The following SGCD variants were observed in gnomAD, a reference collection of about 807,000 sequenced individuals.
SGCD encodes the protein sarcoglycan delta, also known as delta-sarcoglycan.
A neutral mutation model predicts 36.6 loss-of-function variants in SGCD; 18 were observed. The observed-to-expected ratio is 0.49, with a 90% CI of 0.34 to 0.73. The LOEUF (loss-of-function observed/expected upper bound fraction) is 0.73, where lower values mean the gene tolerates loss of function less well. SGCD is among the 30% of genes least tolerant of loss of function. The pLI is 0.01. For missense variants in SGCD, 387 were observed against 346.7 expected, an observed-to-expected ratio of 1.12 and a Z score of -0.92; for synonymous variants, 133 against 130.6, an observed-to-expected ratio of 1.02 and a Z score of -0.12.
intron 3 of SGCD, among the ~76,000 whole-genome samples, chr5:156,307,019 A>G (rs1398692190): frequency 6.9e-6 from 1 of 143,900 alleles, no homozygotes; most frequent in Non-Finnish European, 1.5e-5. Flanking sequence ...TTTGGTTGCT[A>G]TTTGCACAGA....
intron 4 of SGCD, among the ~76,000 whole-genome samples, chr5:156,522,929 T>C (rs75352978): frequency 0.23 from 35,693 of 152,084 alleles, 4,788 homozygotes; most frequent in Non-Finnish European, 0.31. Context: ...AAGCCAGTCA[T>C]CCTCAGCATG....
intron 3 of SGCD, among the ~76,000 whole-genome samples, chr5:156,435,588 A>G (rs1160186248): frequency 6.6e-6 from 1 of 152,198 alleles, no homozygotes; most frequent in Non-Finnish European, 1.5e-5. Context: ...AGGGGCTAAA[A>G]TTATTTTCTG....
At chr5:156,080,211 G>T (rs1760914510) in intron 1 of SGCD, among the ~76,000 whole-genome samples, 1 of 152,190 alleles carries the variant, frequency 6.6e-6, no homozygotes, top group African/African-American at 2.4e-5. Context: ...GCAGACATCA[G>T]CCTCCTGGGG....
chr5:156,339,975 T>C (rs577254197), intron 2 of SGCD, among the ~76,000 whole-genome samples: 97 of 152,316 alleles, frequency 6.4e-4, no homozygotes, highest in African/African-American at 2.2e-3. Context: ...GTATGGACAA[T>C]GGAAAGATAA....
At chr5:156,261,811 G>A (rs1382740016) in intron 3 of SGCD, among the ~76,000 whole-genome samples, 2 of 152,080 alleles carry the variant, frequency 1.3e-5, no homozygotes, top group Admixed American at 1.3e-4. Context: ...ACCCTGTGTA[G>A]CCCCTAGGCT....
At chr5:155,855,579 C>T in the SGCD span, among the ~76,000 whole-genome samples, 1 of 152,144 alleles carries the variant, frequency 6.6e-6, no homozygotes, top group South Asian at 2.1e-4. Flanking sequence ...TGAACCCATA[C>T]TAGAGTTCCA....
In SGCD at chr5:156,353,717, C is replaced by G. The variant is rs188783572; in HGVS notation, c.192+9040C>G. ...TTTGACTGTGTGGTCACTTTTAATC[C>G]ATTAGCTCAATCCATCCATCTGAAA... On this transcript the variant is annotated intron_variant, in intron 3 of 8. Coordinates refer to ENST00000337851, the MANE Select transcript of SGCD (RefSeq NM_000337.6). Among the ~76,000 whole-genome samples the G allele has an allele frequency of 5.9e-5, 9 of 152,236 alleles. No individual in the cohort carries two copies. The East Asian group carries it at 1.5e-3, about 26-fold the overall frequency.
chr5:156,578,723 T>C (rs1176014413), intron 4 of SGCD, among the ~76,000 whole-genome samples: 1 of 152,246 alleles, frequency 6.6e-6, no homozygotes, highest in Non-Finnish European at 1.5e-5. Context: ...TAGTATTCTC[T>C]GATGGTAGTT....
chr5:156,629,879 T>TA (rs1491457923), intron 6 of SGCD, among the ~76,000 whole-genome samples: 2 of 144,024 alleles, frequency 1.4e-5, no homozygotes, highest in East Asian at 3.9e-4. Context: ...TTTTTTTTTT[T>TA]AGATGGAGTT....
At chr5:156,294,483 T>G (rs1484803613) in intron 3 of SGCD, among the ~76,000 whole-genome samples, 1 of 152,168 alleles carries the variant, frequency 6.6e-6, no homozygotes, top group East Asian at 1.9e-4. Context: ...TTTCCTTTCC[T>G]TGCCTAATTG....
At chr5:156,231,467 C>T (rs760446907) in intron 3 of SGCD, among the ~76,000 whole-genome samples, 23 of 152,220 alleles carry the variant, frequency 1.5e-4, no homozygotes, top group Non-Finnish European at 2.6e-4. Flanking sequence ...TCCTGGAAGG[C>T]GGAGGTTGCA....
intron 6 of SGCD, among the ~76,000 whole-genome samples, chr5:156,626,878 A>G (rs746728488): frequency 1.3e-4 from 20 of 152,180 alleles, no homozygotes; most frequent in Non-Finnish European, 2.1e-4. Flanking sequence ...AGATGGACCT[A>G]TTACCCCAGG....
intron 4 of SGCD, among the ~76,000 whole-genome samples, chr5:156,512,566 T>C (rs1039805775): frequency 7.2e-5 from 11 of 152,224 alleles, no homozygotes; most frequent in African/African-American, 2.4e-4. Context: ...TGTATCCTCA[T>C]GAAGTAATGC....
the SGCD span, among the ~76,000 whole-genome samples, chr5:155,732,913 T>C: frequency 6.6e-6 from 1 of 152,084 alleles, no homozygotes; most frequent in Non-Finnish European, 1.5e-5. Flanking sequence ...TCCATGCGTG[T>C]TGCAGCCCAC....
chr5:156,261,821 T>C (rs1013258888), intron 3 of SGCD, among the ~76,000 whole-genome samples: 4 of 152,134 alleles, frequency 2.6e-5, no homozygotes, highest in Admixed American at 1.3e-4. Flanking sequence ...GCCCCTAGGC[T>C]AATGTGTGTG....
chr5:156,430,019 T>G (rs938447991), intron 3 of SGCD, among the ~76,000 whole-genome samples: 1 of 152,178 alleles, frequency 6.6e-6, no homozygotes, highest in Non-Finnish European at 1.5e-5. Flanking sequence ...GATGATCTTT[T>G]GTGATGAATT....
chr5:155,997,453 C>G (rs764070749), intron 1 of SGCD, among the ~76,000 whole-genome samples: 2 of 152,200 alleles, frequency 1.3e-5, no homozygotes, highest in African/African-American at 4.8e-5. Flanking sequence ...TTATCATAAG[C>G]CTGCCTGGGG....
chr5:156,116,703 C>T (rs1409753874), intron 1 of SGCD, among the ~76,000 whole-genome samples: 1 of 152,148 alleles, frequency 6.6e-6, no homozygotes, highest in Non-Finnish European at 1.5e-5. Context: ...TAATGTTACA[C>T]AAGTTACTTT....
chr5:155,930,831 A>T (rs770664221), intron 1 of SGCD, among the ~76,000 whole-genome samples: 3 of 152,206 alleles, frequency 2.0e-5, no homozygotes, highest in Non-Finnish European at 2.9e-5. Context: ...ACTTAAGATT[A>T]AAGTATTCTT....
Sources: allele counts gnomAD v4.1 joint callset (sites outside exome capture counted in the v4.1 genomes callset), GRCh38; gene constraint gnomAD v4.1.1; transcripts MANE v1.5; gene names NCBI Gene and HGNC (gene_info 2026-07-23, HGNC 2026-07-21).